Variants in PRDM16 observed in about 807,000 individuals in gnomAD.
The protein encoded by PRDM16 is histone-lysine N-methyltransferase PRDM16.
In PRDM16, 23 loss-of-function variants were observed where a neutral mutation model predicts 110.6. The ratio of observed to expected loss-of-function variants is 0.21; its 90% CI spans 0.15 to 0.29. The LOEUF is 0.29. Ranked by LOEUF, PRDM16 falls within the 10% of genes least tolerant of loss-of-function variation. The probability of loss-of-function intolerance (pLI) is 1.00; values close to 1 mark genes in which losing one functional copy is unlikely to be tolerated. For missense variants in PRDM16, 1,615 were observed against 1,794.3 expected (o/e 0.90, Z 1.81); for synonymous variants, 799 against 781.8 (o/e 1.02, Z -0.37).
intron 3 of PRDM16, among the ~76,000 whole-genome samples, chr1:3,381,023 A>G (rs141846448): frequency 5.8e-4 from 89 of 152,338 alleles, no homozygotes; most frequent in Non-Finnish European, 8.8e-4. Context: ...GTTCTCCTCC[A>G]GGAGCTCTGC....
chr1:3,181,084 A>ACC (rs1553140777), intron 1 of PRDM16, among the ~76,000 whole-genome samples: 13 of 123,620 alleles, frequency 1.1e-4, no homozygotes, highest in African/African-American at 2.7e-4. Flanking sequence ...GGTCTTACAC[A>ACC]CGGCCTTACA....
chr1:3,198,737 G>A lies in PRDM16; in HGVS notation c.387+12263G>A, dbSNP rs539757985. Among the ~76,000 whole-genome samples the A allele has an allele frequency of 2.6e-5, 4 of 152,314 alleles. No homozygotes were observed. In the South Asian group the frequency reaches 8.3e-4, roughly 32 times the overall value. ...CTGGGGCAGGGATTACCAGCCGCAC[G>A]CAGGCTGCGGGAACCCCCTTTGTCT... is the stretch of plus-strand genomic sequence containing the variant. On this transcript the variant is annotated intron_variant, in intron 2 of 16. Coordinates refer to ENST00000270722, the MANE Select transcript of PRDM16 (RefSeq NM_022114.4).
At chr1:3,374,154 G>C (rs932622850) in intron 3 of PRDM16, among the ~76,000 whole-genome samples, 2 of 152,192 alleles carry the variant, frequency 1.3e-5, no homozygotes, top group Non-Finnish European at 2.9e-5. Flanking sequence ...CTGACCGCCA[G>C]GGGCCAGGGC....
chr1:3,260,327 A>G (rs1458957030), intron 3 of PRDM16, among the ~76,000 whole-genome samples: 2 of 152,046 alleles, frequency 1.3e-5, no homozygotes, highest in Admixed American at 6.5e-5. Flanking sequence ...CCGAGCCCCC[A>G]TGAGGGTCTG....
chr1:3,178,929 C>T (rs576917641), intron 1 of PRDM16, among the ~76,000 whole-genome samples: 2 of 152,324 alleles, frequency 1.3e-5, no homozygotes, highest in East Asian at 1.9e-4. Context: ...GTCCACCCAA[C>T]CTCTAAAACC....
At position 3,434,027 on chromosome 1, in the gene PRDM16, G is replaced by A. The variant is rs1015749272; in HGVS notation, c.*216G>A. On this transcript the variant is annotated 3_prime_UTR_variant, in exon 17 of 17. Transcript: ENST00000270722. ...CTCACCATCTCCAAGGATTGGTCTT[G>A]AGAACACTGTTCAGTGACGGCCATG... 7 of 557,694 alleles carry A rather than the reference G, an allele frequency of 1.3e-5. No homozygotes were observed. The African/African-American group carries it at 1.3e-4, about 11-fold the overall frequency. 34.5% of individuals were successfully genotyped at this position (557,694 alleles called of 1,614,324 possible).
chr1:3,293,283 C>G (rs1016686839), intron 3 of PRDM16, among the ~76,000 whole-genome samples: 2 of 152,250 alleles, frequency 1.3e-5, no homozygotes, highest in African/African-American at 4.8e-5. Flanking sequence ...GGTTCCCTCT[C>G]CACCTGAGAA....
At chr1:3,189,213 C>T (rs2100803921) in intron 2 of PRDM16, among the ~76,000 whole-genome samples, 1 of 152,338 alleles carries the variant, frequency 6.6e-6, no homozygotes, top group African/African-American at 2.4e-5. Flanking sequence ...ACGAGAAGGA[C>T]CTTCTGCTGA....
intron 2 of PRDM16, among the ~76,000 whole-genome samples, chr1:3,222,880 G>T (rs1639199094): frequency 6.6e-6 from 1 of 152,186 alleles, no homozygotes; most frequent in Non-Finnish European, 1.5e-5. Context: ...GGGGCCTGGA[G>T]AAAGTGTGCA....
intron 1 of PRDM16, among the ~76,000 whole-genome samples, chr1:3,185,347 G>C: frequency 6.6e-6 from 1 of 152,168 alleles, no homozygotes; most frequent in Non-Finnish European, 1.5e-5. Flanking sequence ...CGATATCCAT[G>C]ACCTCAGCAG....
chr1:3,077,164 T>C (rs929573169), intron 1 of PRDM16, among the ~76,000 whole-genome samples: 1 of 152,228 alleles, frequency 6.6e-6, no homozygotes, highest in Non-Finnish European at 1.5e-5. Context: ...GCTGAATGTT[T>C]GGGGCGAATA....
At chr1:3,117,401 G>A (rs1642985715) in intron 1 of PRDM16, among the ~76,000 whole-genome samples, 1 of 152,136 alleles carries the variant, frequency 6.6e-6, no homozygotes, top group Admixed American at 6.5e-5. Flanking sequence ...AGAGGTGGCT[G>A]GGAGCTGGCG....
At chr1:3,070,728 C>T (rs1295597266) in intron 1 of PRDM16, among the ~76,000 whole-genome samples, 1 of 152,160 alleles carries the variant, frequency 6.6e-6, no homozygotes, top group Non-Finnish European at 1.5e-5. Flanking sequence ...TCCGCTCCCT[C>T]GGCTCGGGGC....
intron 1 of PRDM16, among the ~76,000 whole-genome samples, chr1:3,124,209 C>T (rs1474424391): frequency 6.6e-6 from 1 of 152,154 alleles, no homozygotes; most frequent in Non-Finnish European, 1.5e-5. Context: ...CGTACCCTGG[C>T]TCAGCCCAGC....
rs375292819 is a variant in PRDM16, at chr1:3,415,519, C to T, written c.2691+872C>T. 9.8e-5 allele frequency among the ~76,000 whole-genome samples: 15 copies of T among 152,392 alleles called. No individual in the cohort carries two copies. The East Asian group carries it at 1.9e-3, about 20-fold the overall frequency. On this transcript the variant is annotated intron_variant, in intron 10 of 16. Transcript: ENST00000270722. ...AACTTAGCGCCTCCCATTGTTTCCC[C>T]GGGGCCGTGGAGTTTGGTTAATAAC...
Position 3,411,657 on chromosome 1 carries a change from A to C in PRDM16, c.1460A>C (p.Glu487Ala). The change falls in exon 9 of 17, where the codon GAG becomes GCG. Residue 487 changes from glutamate (E) to alanine (A), a missense_variant. By Grantham distance (107) the Glu-to-Ala change is moderately radical. Coordinates refer to ENST00000270722, the MANE Select transcript of PRDM16 (RefSeq NM_022114.4). ...AATCACGCCAGCCTGGGCTTCAACG[A>C]GTACTTTCCCTCCAGGCCGCACCCG... ...SLNHASLGFN[E>A]YFPSRPHPGS... is the part of the protein sequence containing the mutation. 1 of 1,613,260 alleles carries C rather than the reference A, an allele frequency of 6.2e-7. No individual in the cohort carries two copies. Among genetic ancestry groups the C allele is most frequent in the Non-Finnish European group, 8.5e-7 (1 of 1,179,466 alleles).
At chr1:3,366,123 G>C (rs1449847612) in intron 3 of PRDM16, among the ~76,000 whole-genome samples, 1 of 152,260 alleles carries the variant, frequency 6.6e-6, no homozygotes, top group Non-Finnish European at 1.5e-5. Flanking sequence ...CCCTTGACCT[G>C]TGGCTCAGGG....
intron 16 of PRDM16, among the ~76,000 whole-genome samples, chr1:3,432,562 A>G (rs1638797081): frequency 6.6e-6 from 1 of 152,168 alleles, no homozygotes; most frequent in African/African-American, 2.4e-5. Flanking sequence ...AGCTGGAGCA[A>G]TGAGGTCAGC....
intron 1 of PRDM16, among the ~76,000 whole-genome samples, chr1:3,180,894 T>TTACACACGCAGC (rs1644144887): frequency 6.6e-6 from 1 of 151,026 alleles, no homozygotes. Flanking sequence ...ACACACGGCC[T>TTACACACGCAGC]CACACACGCA....
Sources: gnomAD v4.1 joint callset for allele counts (sites outside exome capture counted in the v4.1 genomes callset) on GRCh38, gnomAD v4.1.1 for gene constraint, MANE v1.5 for transcripts, NCBI Gene and HGNC (gene_info 2026-07-23, HGNC 2026-07-21) for gene names.